The following PRKG1 variants were observed in gnomAD, a reference collection of about 807,000 sequenced individuals.
The protein encoded by PRKG1 is cGMP-dependent protein kinase 1.
In PRKG1, 35 loss-of-function variants were observed where a neutral mutation model predicts 88.1. That is an observed-to-expected ratio of 0.40 (90% CI 0.30 to 0.53). The LOEUF (loss-of-function observed/expected upper bound fraction) is 0.53, where lower values mean the gene tolerates loss of function less well. Among genes scored for constraint, PRKG1 ranks in the 20% least tolerant of loss-of-function variants. The pLI is 0.59. For missense variants in PRKG1, 540 were observed against 839.8 expected (o/e 0.64, Z 4.41); for synonymous variants, 303 against 292.5 (o/e 1.04, Z -0.37).
Position 50,991,028 on chromosome 10 carries a change from G to A in PRKG1, c.-351G>A, listed in dbSNP as rs942759238. The A allele has an allele frequency of 8.8e-6, 2 of 226,260 alleles. No homozygotes were observed. Among genetic ancestry groups the A allele is most frequent in the African/African-American group, 4.7e-5 (2 of 42,352 alleles). The allele number at this position is 226,260 out of a possible 1,614,324, so 14.0% of individuals were successfully genotyped here. The stretch of plus-strand genomic sequence containing the variant: ...ATTCTCACGGAGTGACTAGGAGAGG[G>A]GGACGAGGGAGGGGGTCTCAGGGGA... On this transcript the variant is annotated 5_prime_UTR_variant, in exon 1 of 18. Transcript: ENST00000401604. This position sits in a 1 kb window ranked among gnomAD's most constrained non-coding sequence, Gnocchi z 4.5.
intron 1 of PRKG1, among the ~76,000 whole-genome samples, chr10:51,119,462 C>CAGAT (rs1564607680): frequency 6.6e-6 from 1 of 151,884 alleles, no homozygotes; most frequent in African/African-American, 2.4e-5. Flanking sequence ...ACTCATGGTA[C>CAGAT]AGATGTGTAC....
At chr10:52,036,113 T>C (rs953891447) in intron 5 of PRKG1, among the ~76,000 whole-genome samples, 1 of 152,068 alleles carries the variant, frequency 6.6e-6, no homozygotes, top group African/African-American at 2.4e-5. Flanking sequence ...ATTGAAGTAA[T>C]AGGGGCTGTC....
intron 8 of PRKG1, among the ~76,000 whole-genome samples, chr10:52,146,481 G>T (rs1425927565): frequency 6.6e-6 from 1 of 152,106 alleles, no homozygotes; most frequent in Non-Finnish European, 1.5e-5. Context: ...CAGCAAACTT[G>T]CAAGGAATTC....
chr10:51,075,699 G>T (rs1357664718), intron 1 of PRKG1, among the ~76,000 whole-genome samples: 1 of 152,160 alleles, frequency 6.6e-6, no homozygotes, highest in Non-Finnish European at 1.5e-5. Context: ...CCCATTGTTT[G>T]CCTTACTCTT....
intron 9 of PRKG1, among the ~76,000 whole-genome samples, chr10:52,198,375 A>G (rs1839565916): frequency 1.3e-5 from 2 of 152,208 alleles, no homozygotes; most frequent in South Asian, 4.1e-4. Flanking sequence ...ATTGAGCCAA[A>G]GAAATTGTGT....
intron 5 of PRKG1, among the ~76,000 whole-genome samples, chr10:52,001,651 TC>T (rs1481962543): frequency 6.6e-6 from 1 of 151,914 alleles, no homozygotes; most frequent in African/African-American, 2.4e-5. Flanking sequence ...TTTTAAAGTG[TC>T]CTGAGTAGCA....
At chr10:52,233,884 G>A (rs2132357392) in intron 9 of PRKG1, among the ~76,000 whole-genome samples, 1 of 152,198 alleles carries the variant, frequency 6.6e-6, no homozygotes. Context: ...CAAAAAGACA[G>A]CAGTAACCTC....
At chr10:52,112,778 T>C (rs1375598338) in intron 7 of PRKG1, among the ~76,000 whole-genome samples, 2 of 152,130 alleles carry the variant, frequency 1.3e-5, no homozygotes, top group African/African-American at 4.8e-5. Flanking sequence ...ATAAGAGCCT[T>C]CTGGCAAAGA....
chr10:50,998,841 A>C (rs925198176), intron 1 of PRKG1, among the ~76,000 whole-genome samples: 1 of 152,226 alleles, frequency 6.6e-6, no homozygotes, highest in Non-Finnish European at 1.5e-5. Flanking sequence ...ATGTCTTTTA[A>C]ATAGATTTGT....
At chr10:51,796,380 A>G (rs985235245) in intron 3 of PRKG1, among the ~76,000 whole-genome samples, 2 of 152,134 alleles carry the variant, frequency 1.3e-5, no homozygotes, top group African/African-American at 4.8e-5. Context: ...TTTAACATGT[A>G]ATAAATGTAA....
At chr10:52,144,777 A>G (rs1028763595) in intron 8 of PRKG1, among the ~76,000 whole-genome samples, 4 of 152,200 alleles carry the variant, frequency 2.6e-5, no homozygotes, top group Non-Finnish European at 5.9e-5. Flanking sequence ...AGATCGCATC[A>G]CTGTACTCCA....
chr10:51,484,661 C>G (rs966670637), intron 3 of PRKG1, among the ~76,000 whole-genome samples: 2 of 152,160 alleles, frequency 1.3e-5, no homozygotes, highest in Non-Finnish European at 2.9e-5. Flanking sequence ...TCCAAGCCCC[C>G]ACGTGAGACT....
chr10:51,919,832 C>A (rs980439970), intron 5 of PRKG1, among the ~76,000 whole-genome samples: 1 of 152,146 alleles, frequency 6.6e-6, no homozygotes, highest in Non-Finnish European at 1.5e-5. Context: ...TACCTAAGCA[C>A]AGGGTATGTC....
chr10:51,481,621 T>G (rs1168184763), intron 3 of PRKG1, among the ~76,000 whole-genome samples: 2 of 152,178 alleles, frequency 1.3e-5, no homozygotes, highest in Non-Finnish European at 2.9e-5. Context: ...TTGGATTTAT[T>G]TGAAATTTTA....
At chr10:51,299,325 C>A (rs562194132) in intron 2 of PRKG1, among the ~76,000 whole-genome samples, 9 of 152,206 alleles carry the variant, frequency 5.9e-5, no homozygotes, top group Admixed American at 5.9e-4. Context: ...CCTTCCTCAG[C>A]CTCCTGAATA....
intron 3 of PRKG1, among the ~76,000 whole-genome samples, chr10:51,709,826 G>A (rs1181312321): frequency 6.6e-6 from 1 of 152,160 alleles, no homozygotes; most frequent in African/African-American, 2.4e-5. Flanking sequence ...CTGACAGCAG[G>A]TGTCTGCAAA....
chr10:52,194,943 C>T (rs1839465214), intron 9 of PRKG1, among the ~76,000 whole-genome samples: 1 of 152,156 alleles, frequency 6.6e-6, no homozygotes, highest in South Asian at 2.1e-4. Context: ...GCTTCCCTTA[C>T]AGTGACACTT....
At chr10:51,100,094 G>C (rs1844641280) in intron 1 of PRKG1, among the ~76,000 whole-genome samples, 1 of 151,982 alleles carries the variant, frequency 6.6e-6, no homozygotes, top group Non-Finnish European at 1.5e-5. Flanking sequence ...GGATCTCACT[G>C]TGTTGCCCAG....
At chr10:52,160,701 A>C (rs982556957) in intron 8 of PRKG1, among the ~76,000 whole-genome samples, 3 of 152,046 alleles carry the variant, frequency 2.0e-5, no homozygotes, top group African/African-American at 7.2e-5. Flanking sequence ...GCACCTTACT[A>C]TGTTTCAGGA....
Sources: gnomAD v4.1 joint callset for allele counts (sites outside exome capture counted in the v4.1 genomes callset) on GRCh38, gnomAD v4.1.1 for gene constraint, Gnocchi (gnomAD v3.1) non-coding constraint, MANE v1.5 for transcripts, NCBI Gene and HGNC (gene_info 2026-07-23, HGNC 2026-07-21) for gene names.